TNFSF18: variants seen among roughly 807,000 people sequenced by gnomAD.
The protein encoded by TNFSF18 is TNF superfamily member 18.
In TNFSF18, 6 loss-of-function variants were observed where a neutral mutation model predicts 9.6. The observed-to-expected ratio is 0.63, with a 90% CI of 0.34 to 1.24. The LOEUF is 1.24. Among genes scored for constraint, TNFSF18 ranks in the 50% most tolerant of loss-of-function variants. TNFSF18 has a pLI of 0.03. For synonymous variants in TNFSF18, 68 were observed against 71.7 expected, an observed-to-expected ratio of 0.95 and a Z score of 0.26; for missense variants, 210 against 201.0, an observed-to-expected ratio of 1.04 and a Z score of -0.27.
chr1:173,042,275 A>C (rs1189465778), intron 2 of TNFSF18, among the ~76,000 whole-genome samples: 1 of 152,138 alleles, frequency 6.6e-6, no homozygotes, highest in African/African-American at 2.4e-5. Flanking sequence ...TTTATTGTCC[A>C]TCTTGTATCA....
chr1:173,041,675 G>A lies in TNFSF18; in HGVS notation c.226C>T (p.Pro76Ser). Residue 76 changes from proline (P) to serine (S), a missense_variant, in exon 3 of 3, where the codon CCT (proline) becomes TCT (serine). Coordinates refer to ENST00000404377, the MANE Select transcript of TNFSF18 (RefSeq NM_005092.4). The stretch of plus-strand genomic sequence containing the variant: ...TCAGACACCTTATTCACGCAAGGAG[G>A]TTCAGAAGATGCCATTTGCCATTTT... ...PSKWQMASSE[P>S]PCVNKVSDWK... The A allele has an allele frequency of 1.9e-6, 3 of 1,609,408 alleles. No homozygotes were observed. The highest frequency in any genetic ancestry group is 2.5e-6 in the Non-Finnish European group (3 of 1,177,572).
In TNFSF18 at chr1:173,041,590, T is replaced by C. The variant is rs1664993542; in HGVS notation, c.311A>G (p.Asn104Ser). 8.1e-6 allele frequency: 13 copies of C among 1,613,482 alleles called. No homozygotes were observed. Among genetic ancestry groups the C allele is most frequent in the Admixed American group, 1.7e-5 (1 of 59,916 alleles). ...AGGAGCTACATCATTGTAGTTTGCA[T>C]TGGGAGCCACTTGGCCATAAATTAA... ...LYLIYGQVAP[N>S]ANYNDVAPFE... The change falls in exon 3 of 3, where the codon AAT (asparagine) becomes AGT (serine). Residue 104 changes from asparagine to serine, a missense_variant. Transcript: ENST00000404377.
At position 173,040,511 on chromosome 1, in the gene TNFSF18, A is replaced by G. The variant is rs540974544; in HGVS notation, c.*856T>C. 13 of 152,174 alleles carry G rather than the reference A, an allele frequency of 8.5e-5. No individual in the cohort carries two copies. The highest frequency in any genetic ancestry group is 2.6e-4 in the Admixed American group (4 of 15,256). The allele number at this position is 152,174 out of a possible 1,614,324, so 9.4% of individuals were successfully genotyped here. ...CAAATGCCTGCCCAATTAACTTCAT[A>G]GAATTGCTAACTGTTTTACGAAAGC... On this transcript the variant is annotated 3_prime_UTR_variant, in exon 3 of 3. Coordinates refer to ENST00000404377, the MANE Select transcript of TNFSF18 (RefSeq NM_005092.4).
Position 173,041,186 on chromosome 1 carries a change from G to A in TNFSF18, c.*181C>T. The A allele has an allele frequency of 1.8e-6, 1 of 541,008 alleles. No individual in the cohort carries two copies. Among genetic ancestry groups the A allele is most frequent in the Non-Finnish European group, 3.2e-6 (1 of 312,466 alleles). 33.5% of individuals were successfully genotyped at this position (541,008 alleles called of 1,614,324 possible). ...TCTGCAGATCCAACCAAAAGTCTTT[G>A]GCTCTTCCCCTGAGTCTCTTTCAGA... On this transcript the variant is annotated 3_prime_UTR_variant, in exon 3 of 3. Coordinates refer to ENST00000404377, the MANE Select transcript of TNFSF18 (RefSeq NM_005092.4).
chr1:173,043,993 T>C, intron 1 of TNFSF18, 24 bp from the exon 2 acceptor site: 1 of 1,608,320 alleles, frequency 6.2e-7, no homozygotes, highest in Non-Finnish European at 8.5e-7. Flanking sequence ...AAAAGATGAA[T>C]TGATTAGGAT....
chr1:173,044,101 C>T, intron 1 of TNFSF18, 132 bp from the exon 2 acceptor site: 1 of 835,156 alleles, frequency 1.2e-6, no homozygotes, highest in Non-Finnish European at 2.0e-6. Context: ...TCCTTCCCTT[C>T]ACCATGTCTC....
chr1:173,050,510 C>T (rs1037028003), intron 1 of TNFSF18, among the ~76,000 whole-genome samples: 1 of 152,060 alleles, frequency 6.6e-6, no homozygotes, highest in African/African-American at 2.4e-5. Context: ...CTCTATCTAA[C>T]AGAGTTCTGC....
intron 1 of TNFSF18, among the ~76,000 whole-genome samples, chr1:173,045,568 T>C (rs761966938): frequency 3.3e-5 from 5 of 152,166 alleles, no homozygotes; most frequent in Non-Finnish European, 7.4e-5. Context: ...TGGAGGAATT[T>C]TGCTGTAGGG....
At chr1:173,049,045 G>A (rs1434687568) in intron 1 of TNFSF18, among the ~76,000 whole-genome samples, 2 of 152,144 alleles carry the variant, frequency 1.3e-5, no homozygotes, top group African/African-American at 2.4e-5. Flanking sequence ...AACAAACTCT[G>A]GGTTATCTTT....
At chr1:173,049,995 T>C (rs913714495) in intron 1 of TNFSF18, among the ~76,000 whole-genome samples, 3 of 152,314 alleles carry the variant, frequency 2.0e-5, no homozygotes, top group East Asian at 1.9e-4. Flanking sequence ...CAAATAGATA[T>C]GGGCTTTCTC....
In TNFSF18 at chr1:173,041,518, G is replaced by C. The variant is rs758822977; in HGVS notation, c.383C>G (p.Thr128Arg). 1.9e-6 allele frequency: 3 copies of C among 1,613,372 alleles called. No individual in the cohort carries two copies. In the Admixed American group the frequency reaches 5.0e-5, roughly 27 times the overall value. ...YKNKDMIQTL[T>R]NKSKIQNVGG... is the part of the protein sequence containing the mutation. ...TACATTTTGGATTTTAGATTTGTTT[G>C]TTAGAGTTTGTATCATGTCTTTGTT... Residue 128 changes from threonine to arginine, a missense_variant, in exon 3 of 3, where the codon ACA becomes AGA. Coordinates refer to ENST00000404377, the MANE Select transcript of TNFSF18 (RefSeq NM_005092.4).
chr1:173,042,238 G>T (rs1439174638), intron 2 of TNFSF18, among the ~76,000 whole-genome samples: 3 of 152,068 alleles, frequency 2.0e-5, no homozygotes, highest in Non-Finnish European at 4.4e-5. Context: ...CAGTGTCTAG[G>T]ATGTTATAAA....
At chr1:173,041,873 T>A (rs553832951) in intron 2 of TNFSF18, among the ~76,000 whole-genome samples, 160 bp from the exon 3 acceptor site, 1 of 152,332 alleles carries the variant, frequency 6.6e-6, no homozygotes, top group South Asian at 2.1e-4. Flanking sequence ...TAAGTACCTA[T>A]CTACTCCTTG....
intron 1 of TNFSF18, among the ~76,000 whole-genome samples, chr1:173,045,240 T>C (rs1665059879): frequency 6.8e-6 from 1 of 147,490 alleles, no homozygotes; most frequent in Non-Finnish European, 1.5e-5. Flanking sequence ...AGAGGAACAC[T>C]GGGGCGTTGT....
chr1:173,041,819 T>TCGGCG, intron 2 of TNFSF18, 106 bp from the exon 3 acceptor site: 6 of 949,772 alleles, frequency 6.3e-6, no homozygotes, highest in South Asian at 4.4e-5. Context: ...GTTGTTTCTT[T>TCGGCG]ACCTGATCTA....
rs185405652 is a variant in TNFSF18, at chr1:173,041,039, A to G, written c.*328T>C. The stretch of plus-strand genomic sequence containing the variant: ...CAGATCCTTTTTGCATACCAGGTAA[A>G]TCTTCCATGGGAATAGAACTCCATT... On this transcript the variant is annotated 3_prime_UTR_variant, in exon 3 of 3. Transcript: ENST00000404377. 25 of 193,454 alleles carry G rather than the reference A, an allele frequency of 1.3e-4. No individual in the cohort carries two copies. The highest frequency in any genetic ancestry group is 1.1e-3 in the Admixed American group (19 of 16,980). 12.0% of individuals were successfully genotyped at this position (193,454 alleles called of 1,614,324 possible).
In TNFSF18 at chr1:173,041,186, G is replaced by T; in HGVS notation, c.*181C>A. ...TCTGCAGATCCAACCAAAAGTCTTT[G>T]GCTCTTCCCCTGAGTCTCTTTCAGA... On this transcript the variant is annotated 3_prime_UTR_variant, in exon 3 of 3. Coordinates refer to ENST00000404377, the MANE Select transcript of TNFSF18 (RefSeq NM_005092.4). The T allele has an allele frequency of 1.8e-6, 1 of 541,008 alleles. No individual in the cohort carries two copies. Among genetic ancestry groups the T allele is most frequent in the Non-Finnish European group, 3.2e-6 (1 of 312,466 alleles). 33.5% of individuals were successfully genotyped at this position (541,008 alleles called of 1,614,324 possible). A position where few individuals can be genotyped will look rare whatever the true frequency, so the allele number is the denominator to read the frequency against.
chr1:173,043,553 A>T (rs945582876), intron 2 of TNFSF18, among the ~76,000 whole-genome samples: 1 of 152,198 alleles, frequency 6.6e-6, no homozygotes, highest in Non-Finnish European at 1.5e-5. Context: ...ACTCTCTCAC[A>T]TACTCCATTG....
intron 1 of TNFSF18, among the ~76,000 whole-genome samples, chr1:173,044,380 T>C (rs1030012660): frequency 3.3e-5 from 5 of 152,192 alleles, no homozygotes; most frequent in Admixed American, 6.5e-5. Context: ...TTTATGTTTA[T>C]TTTATTTAAA....
Sources: gnomAD v4.1 joint callset for allele counts (sites outside exome capture counted in the v4.1 genomes callset) on GRCh38, gnomAD v4.1.1 for gene constraint, MANE v1.5 for transcripts, NCBI Gene and HGNC (gene_info 2026-07-23, HGNC 2026-07-21) for gene names.